ABCB10: variants seen among roughly 807,000 people sequenced by gnomAD.
The protein encoded by ABCB10 is ATP-binding cassette sub-family B member 10, mitochondrial.
ABCB10 carries 54 observed loss-of-function variants against 65.4 expected under a neutral mutation model. That is an observed-to-expected ratio of 0.83 (90% CI 0.66 to 1.04). The LOEUF (loss-of-function observed/expected upper bound fraction) is 1.04, where lower values mean the gene tolerates loss of function less well. Among genes scored for constraint, ABCB10 ranks in the 50% least tolerant of loss-of-function variants. The pLI is 0.00. For synonymous variants in ABCB10, 418 were observed against 406.5 expected (o/e 1.03, Z -0.34); for missense variants, 846 against 976.6 (o/e 0.87, Z 1.78).
intron 8 of ABCB10, 53 bp from the exon 9 acceptor site, chr1:229,527,361 A>T (rs904642310): frequency 6.8e-7 from 1 of 1,476,186 alleles, no homozygotes; most frequent in Non-Finnish European, 9.4e-7. Context: ...GAGGCTGATG[A>T]CCAACACAGA....
intron 10 of ABCB10, among the ~76,000 whole-genome samples, chr1:229,525,248 C>A (rs1299724161): frequency 6.6e-6 from 1 of 152,154 alleles, no homozygotes; most frequent in African/African-American, 2.4e-5. Flanking sequence ...TCAATTTCAG[C>A]TTTGTTCCTG....
At chr1:229,526,248 C>T (rs1195417133) in intron 9 of ABCB10, 132 bp from the exon 10 acceptor site, 1 of 945,194 alleles carries the variant, frequency 1.1e-6, no homozygotes, top group Admixed American at 3.0e-5. Context: ...GTAGTTCTCA[C>T]CATGCTGCAA....
chr1:229,537,682 T>C (rs348329), intron 6 of ABCB10, among the ~76,000 whole-genome samples: 150,296 of 152,264 alleles, frequency 0.99, 74,181 homozygotes, highest in East Asian at 1. Context: ...CCCAGCTACT[T>C]GGAAGGCTGA....
chr1:229,518,977 G>A, intron 11 of ABCB10, 102 bp from the exon 12 acceptor site: 1 of 926,126 alleles, frequency 1.1e-6, no homozygotes. Flanking sequence ...GCTACAATGT[G>A]GATGAGCCTT....
chr1:229,527,158 A>G (rs1662464700), intron 9 of ABCB10, 71 bp downstream of exon 9: 13 of 1,429,994 alleles, frequency 9.1e-6, no homozygotes, highest in African/African-American at 1.4e-5. Context: ...TCGAGACAAA[A>G]AAAAAAAAAA....
chr1:229,521,026 T>G (rs1174890624), intron 11 of ABCB10, among the ~76,000 whole-genome samples: 2 of 152,048 alleles, frequency 1.3e-5, no homozygotes, highest in African/African-American at 4.8e-5. Context: ...ACATTTAAAA[T>G]AAATGAATTT....
chr1:229,538,288 G>C (rs939495877), intron 6 of ABCB10, among the ~76,000 whole-genome samples: 1 of 152,218 alleles, frequency 6.6e-6, no homozygotes, highest in Non-Finnish European at 1.5e-5. Context: ...GAGGAGGGAA[G>C]AGGAGGGGCT....
chr1:229,530,897 G>A (rs1451413400), intron 7 of ABCB10, among the ~76,000 whole-genome samples: 1 of 152,234 alleles, frequency 6.6e-6, no homozygotes, highest in African/African-American at 2.4e-5. Flanking sequence ...CAGAACTGGA[G>A]GGGTCAGAGG....
intron 3 of ABCB10, among the ~76,000 whole-genome samples, chr1:229,545,894 G>A (rs896667930): frequency 2.6e-5 from 4 of 152,158 alleles, no homozygotes; most frequent in Non-Finnish European, 5.9e-5. Context: ...GTGATGAGCC[G>A]GGCGCAGTGG....
intron 8 of ABCB10, among the ~76,000 whole-genome samples, chr1:229,527,979 GC>G (rs1195106745): frequency 6.6e-6 from 1 of 152,208 alleles, no homozygotes; most frequent in East Asian, 1.9e-4. Context: ...CGATACCATG[GC>G]AGAGCTTTTA....
At position 229,517,700 on chromosome 1, in the gene ABCB10, T is replaced by A. The variant is rs1388772573; in HGVS notation, c.*479A>T. On this transcript the variant is annotated 3_prime_UTR_variant, in exon 13 of 13. Coordinates refer to ENST00000344517, the MANE Select transcript of ABCB10 (RefSeq NM_012089.3). ...GGTTTGCTTCATGAGATTATCGGAA[T>A]AAAGGGTTAAATTTTCAATTTCCAT... The A allele has an allele frequency of 6.4e-6, 1 of 156,066 alleles. No homozygotes were observed. The highest frequency in any genetic ancestry group is 2.4e-5 in the African/African-American group (1 of 41,488). The allele number at this position is 156,066 out of a possible 1,614,324, so 9.7% of individuals were successfully genotyped here.
intron 6 of ABCB10, among the ~76,000 whole-genome samples, chr1:229,537,839 T>C (rs1205579026): frequency 1.3e-5 from 2 of 152,118 alleles, no homozygotes; most frequent in African/African-American, 2.4e-5. Flanking sequence ...GCACTTAAAA[T>C]CTAATTTAAG....
At chr1:229,526,253 C>T (rs1662442439) in intron 9 of ABCB10, 137 bp from the exon 10 acceptor site, 1 of 924,316 alleles carries the variant, frequency 1.1e-6, no homozygotes, top group Admixed American at 3.0e-5. Context: ...TCTCACCATG[C>T]TGCAAGCAAT....
chr1:229,542,204 C>A, intron 4 of ABCB10, 33 bp downstream of exon 4: 1 of 1,609,286 alleles, frequency 6.2e-7, no homozygotes, highest in Non-Finnish European at 8.5e-7. Context: ...CCCCATTCTG[C>A]TGGAAACCAC....
intron 5 of ABCB10, among the ~76,000 whole-genome samples, chr1:229,540,071 T>C (rs1008382194): frequency 1.1e-4 from 17 of 152,342 alleles, no homozygotes; most frequent in African/African-American, 3.8e-4. Flanking sequence ...CTGTTAATCA[T>C]AGCAATGACG....
chr1:229,517,372 T>C lies in ABCB10; in HGVS notation c.*807A>G, dbSNP rs1035508286. ...TGTAACAGATATTTTTCAAAATACA[T>C]GCCTTCAAACAACTTAAATGCAAAA... On this transcript the variant is annotated 3_prime_UTR_variant, in exon 13 of 13. Transcript: ENST00000344517. 3.3e-5 allele frequency: 5 copies of C among 152,266 alleles called. No homozygotes were observed. Among genetic ancestry groups the C allele is most frequent in the African/African-American group, 1.2e-4 (5 of 41,478 alleles). 9.4% of individuals were successfully genotyped at this position (152,266 alleles called of 1,614,324 possible). A position where few individuals can be genotyped will look rare whatever the true frequency, so the allele number is the denominator to read the frequency against.
chr1:229,551,023 C>G (rs1663101092), intron 1 of ABCB10, among the ~76,000 whole-genome samples: 1 of 152,174 alleles, frequency 6.6e-6, no homozygotes, highest in Admixed American at 6.5e-5. Context: ...AAGCAGTCCT[C>G]CCATCTCAGC....
chr1:229,522,855 T>A lies in ABCB10; in HGVS notation c.1907-1220A>T, dbSNP rs565274303. ...TATTCCCACATTATAGCAATTCTTT[T>A]TTTATTTTTTTTGAGACAAGAGTCT... On this transcript the variant is annotated intron_variant, in intron 10 of 12. Coordinates refer to ENST00000344517, the MANE Select transcript of ABCB10 (RefSeq NM_012089.3). Among the ~76,000 whole-genome samples the A allele has an allele frequency of 2.6e-5, 4 of 152,280 alleles. No individual in the cohort carries two copies. In the East Asian group the frequency reaches 7.7e-4, roughly 29 times the overall value.
intron 10 of ABCB10, among the ~76,000 whole-genome samples, chr1:229,523,478 T>C (rs1329834606): frequency 2.0e-5 from 3 of 152,212 alleles, no homozygotes; most frequent in Non-Finnish European, 4.4e-5. Context: ...TGTGTGGTGC[T>C]GCTAAATGCT....
Sources: allele counts gnomAD v4.1 joint callset (sites outside exome capture counted in the v4.1 genomes callset), GRCh38; gene constraint gnomAD v4.1.1; transcripts MANE v1.5; gene names NCBI Gene and HGNC (gene_info 2026-07-23, HGNC 2026-07-21).